NRXN3: variants seen among roughly 807,000 people sequenced by gnomAD.
NRXN3 encodes the protein neurexin 3, also known as neurexin III.
In NRXN3, 32 loss-of-function variants were observed where a neutral mutation model predicts 137.6. That is an observed-to-expected ratio of 0.23 (90% CI 0.18 to 0.31). The LOEUF is 0.31. Among genes scored for constraint, NRXN3 ranks in the 10% least tolerant of loss-of-function variants. NRXN3 has a pLI of 1.00. For missense variants in NRXN3, 1,574 were observed against 2,062.5 expected (o/e 0.76, Z 4.59); for synonymous variants, 798 against 784.5 (o/e 1.02, Z -0.29).
In NRXN3 at chr14:78,718,180, T is replaced by G. The variant is rs115499989; in HGVS notation, c.2044+3041T>G. Among the ~76,000 whole-genome samples, 944 of 152,280 alleles carry G rather than the reference T, an allele frequency of 6.2e-3. 16 individuals carry two copies. Among genetic ancestry groups the G allele is most frequent in the African/African-American group, 0.022 (911 of 41,568 alleles). ...TGTAGAAGCATTCTAGAATCAAGTC[T>G]AAGTCTAGAATGGATCATTTGTACT... On this transcript the variant is annotated intron_variant, in intron 8 of 20. Coordinates refer to ENST00000335750, the MANE Select transcript of NRXN3 (RefSeq NM_001330195.2).
At chr14:79,382,716 C>T (rs771024262) in intron 15 of NRXN3, among the ~76,000 whole-genome samples, 19 of 152,138 alleles carry the variant, frequency 1.2e-4, no homozygotes, top group African/African-American at 4.3e-4. Context: ...GAGGAGTAGG[C>T]TTACTTTTCC....
At chr14:78,656,772 G>A (rs2097787594) in intron 6 of NRXN3, among the ~76,000 whole-genome samples, 1 of 152,036 alleles carries the variant, frequency 6.6e-6, no homozygotes, top group African/African-American at 2.4e-5. Flanking sequence ...GGCCGAGTGC[G>A]GTGGCTTACG....
At chr14:78,518,997 A>G (rs995554741) in intron 4 of NRXN3, among the ~76,000 whole-genome samples, 3 of 152,158 alleles carry the variant, frequency 2.0e-5, no homozygotes, top group Non-Finnish European at 2.9e-5. Context: ...AGGACAGTCA[A>G]CTGGCCTCTA....
At chr14:78,688,235 T>C (rs1223717868) in intron 6 of NRXN3, among the ~76,000 whole-genome samples, 4 of 152,054 alleles carry the variant, frequency 2.6e-5, no homozygotes, top group African/African-American at 9.7e-5. Flanking sequence ...GGAATTCCTA[T>C]AGAGAAGGAA....
intron 6 of NRXN3, among the ~76,000 whole-genome samples, chr14:78,671,434 G>A (rs1455659837): frequency 2.0e-5 from 3 of 152,120 alleles, no homozygotes; most frequent in African/African-American, 7.2e-5. Context: ...ATTAAATAAA[G>A]TACATATAAG....
chr14:78,453,793 A>G (rs1487497560), intron 4 of NRXN3, among the ~76,000 whole-genome samples: 1 of 152,204 alleles, frequency 6.6e-6, no homozygotes, highest in Non-Finnish European at 1.5e-5. Flanking sequence ...GGAGAATGCC[A>G]TGTGAACATG....
At chr14:78,181,728 T>C (rs2059825402) in intron 1 of NRXN3, among the ~76,000 whole-genome samples, 3 of 152,172 alleles carry the variant, frequency 2.0e-5, no homozygotes, top group South Asian at 2.1e-4. Flanking sequence ...CCCCCTGGGA[T>C]TGGTGAAACA....
chr14:78,403,308 C>G (rs2092244708), intron 4 of NRXN3, among the ~76,000 whole-genome samples: 1 of 152,188 alleles, frequency 6.6e-6, no homozygotes, highest in Admixed American at 6.5e-5. Flanking sequence ...AACTTAGCTT[C>G]AAAATGTCCT....
chr14:78,567,966 A>G (rs939567772), intron 4 of NRXN3, among the ~76,000 whole-genome samples: 3 of 152,072 alleles, frequency 2.0e-5, no homozygotes, highest in Admixed American at 6.5e-5. Context: ...TCATGATCTT[A>G]TTCTATCAGA....
At chr14:79,308,861 T>G (rs1482433486) in intron 15 of NRXN3, among the ~76,000 whole-genome samples, 1 of 147,740 alleles carries the variant, frequency 6.8e-6, no homozygotes, top group South Asian at 2.1e-4. Context: ...TTTTTTTTTT[T>G]TGTGAGTAAT....
chr14:79,046,357 C>A (rs2152554010), intron 15 of NRXN3, among the ~76,000 whole-genome samples: 1 of 152,276 alleles, frequency 6.6e-6, no homozygotes, highest in South Asian at 2.1e-4. Context: ...TTTGCATGGA[C>A]ATGAGATTTG....
intron 10 of NRXN3, among the ~76,000 whole-genome samples, chr14:78,866,867 G>T (rs1013018170): frequency 7.0e-6 from 1 of 143,810 alleles, no homozygotes; most frequent in African/African-American, 2.6e-5. Context: ...GCACGGTCTC[G>T]GCTCGTTGTA....
At chr14:78,588,631 C>T (rs1242220583) in intron 4 of NRXN3, among the ~76,000 whole-genome samples, 1 of 152,206 alleles carries the variant, frequency 6.6e-6, no homozygotes, top group Non-Finnish European at 1.5e-5. Flanking sequence ...CGATAATACT[C>T]GCTTCTCCTT....
At chr14:78,832,946 C>T (rs2098986476) in intron 10 of NRXN3, among the ~76,000 whole-genome samples, 1 of 152,148 alleles carries the variant, frequency 6.6e-6, no homozygotes, top group Non-Finnish European at 1.5e-5. Flanking sequence ...GTCTGGTATA[C>T]ATGGAATTTA....
At chr14:79,234,302 ATATATATATATATAT>A in intron 15 of NRXN3, among the ~76,000 whole-genome samples, 1 of 19,290 alleles carries the variant, frequency 5.2e-5, no homozygotes, top group Non-Finnish European at 1.2e-4. Flanking sequence ...AAATATATAT[ATATATATATATATAT>A]ATATATATAT....
At chr14:78,392,351 G>A (rs1313258027) in intron 4 of NRXN3, among the ~76,000 whole-genome samples, 2 of 152,170 alleles carry the variant, frequency 1.3e-5, no homozygotes, top group Non-Finnish European at 2.9e-5. Context: ...AAGATCGTAA[G>A]CCCTAAAAGT....
At chr14:79,257,371 TGGTGG>T in intron 15 of NRXN3, among the ~76,000 whole-genome samples, 2 of 123,350 alleles carry the variant, frequency 1.6e-5, no homozygotes, top group African/African-American at 3.1e-5. Context: ...GTGGTGGTGG[TGGTGG>T]TGGTGGTGGT....
chr14:79,142,962 T>C (rs1028388778), intron 15 of NRXN3, among the ~76,000 whole-genome samples: 2 of 152,174 alleles, frequency 1.3e-5, no homozygotes, highest in African/African-American at 4.8e-5. Flanking sequence ...TATATTAAGC[T>C]CCTCTTCTCA....
At chr14:79,005,732 A>G (rs1041654433) in intron 15 of NRXN3, among the ~76,000 whole-genome samples, 1 of 151,908 alleles carries the variant, frequency 6.6e-6, no homozygotes. Flanking sequence ...CTTGTACTGA[A>G]TATTTGTGTG....
Sources: allele counts gnomAD v4.1 joint callset (sites outside exome capture counted in the v4.1 genomes callset), GRCh38; gene constraint gnomAD v4.1.1; transcripts MANE v1.5; gene names NCBI Gene and HGNC (gene_info 2026-07-23, HGNC 2026-07-21).